MYBPH: variants seen among roughly 807,000 people sequenced by gnomAD.
MYBPH encodes myosin binding protein H.
Under a neutral mutation model 53.6 loss-of-function variants are expected in MYBPH, and 49 were observed. The observed-to-expected ratio is 0.91, with a 90% confidence interval of 0.73 to 1.16. MYBPH has a LOEUF of 1.16. MYBPH is among the 50% of genes most tolerant of loss of function. MYBPH has a pLI of 0.00. For synonymous variants in MYBPH, 239 were observed against 249.6 expected (o/e 0.96, Z 0.40); for missense variants, 558 against 624.1 (o/e 0.89, Z 1.13).
At chr1:203,177,915 C>T (rs897900705), upstream of MYBPH, among the ~76,000 whole-genome samples, 5 of 152,284 alleles carry the variant, frequency 3.3e-5, no homozygotes, top group African/African-American at 1.2e-4. Context: ...TTTTCTTCGC[C>T]TTCAGCAGGG....
intron 2 of MYBPH, 40 bp downstream of exon 2, chr1:203,175,287 A>G (rs371978360): frequency 1.4e-4 from 208 of 1,503,606 alleles, no homozygotes; most frequent in Middle Eastern, 1.8e-4. Context: ...CTCCATGACA[A>G]CCTCCCCTGG....
chr1:203,175,846 A>G, upstream of MYBPH: 2 of 1,290,802 alleles, frequency 1.5e-6, no homozygotes. Flanking sequence ...ACCTAGGTCC[A>G]GGCTTATATA....
At chr1:203,168,511 G>C (rs998461030) in intron 10 of MYBPH, 116 bp downstream of exon 10, 2 of 1,013,442 alleles carry the variant, frequency 2.0e-6, no homozygotes, top group Non-Finnish European at 3.0e-6. Context: ...CCACAAGTTT[G>C]TGTCCACAGA....
At chr1:203,172,308 G>A (rs773117756) in intron 3 of MYBPH, among the ~76,000 whole-genome samples, 2 of 152,104 alleles carry the variant, frequency 1.3e-5, no homozygotes, top group African/African-American at 2.4e-5. Flanking sequence ...CTCCCTTGGC[G>A]CCTCGACTCT....
chr1:203,179,200 C>A (rs1655872601), upstream of MYBPH: 3 of 370,416 alleles, frequency 8.1e-6, no homozygotes, highest in East Asian at 1.2e-4. Flanking sequence ...CATTAATCAA[C>A]AAGTGTGTAC....
upstream of MYBPH, chr1:203,175,827 G>A: frequency 6.7e-7 from 1 of 1,495,586 alleles, no homozygotes; most frequent in Non-Finnish European, 9.2e-7. Flanking sequence ...CCTCTAGGGT[G>A]CCTGGGACAC....
At chr1:203,174,650 T>G in intron 2 of MYBPH, 53 bp from the exon 3 acceptor site, 3 of 1,436,136 alleles carry the variant, frequency 2.1e-6, no homozygotes, top group Non-Finnish European at 9.3e-7. Flanking sequence ...CAGGCGCCCC[T>G]CTCCATGGGG....
At position 203,175,347 on chromosome 1, in the gene MYBPH, A is replaced by T; in HGVS notation, c.320T>A (p.Leu107Gln). 6.6e-7 allele frequency: 1 copy of T among 1,522,930 alleles called. No individual in the cohort carries two copies. Among genetic ancestry groups the T allele is most frequent in the Non-Finnish European group, 8.8e-7 (1 of 1,138,398 alleles). 94.3% of individuals were successfully genotyped at this position (1,522,930 alleles called of 1,614,324 possible). A position where few individuals can be genotyped will look rare whatever the true frequency, so the allele number is the denominator to read the frequency against. Residue 107 changes from leucine to glutamine, a missense_variant, in exon 2 of 11, where the codon CTG becomes CAG. By Grantham distance (113) the Leu-to-Gln change is moderately radical. Coordinates refer to ENST00000255416, the MANE Select transcript of MYBPH (RefSeq NM_004997.3). ...CTCACCTCCCTCTCTGCAGAGCTCC[A>T]GCACATAGCCCTGGAGGCCCAGCCT... is the stretch of plus-strand genomic sequence containing the variant. ...LGRLGLQGYV[L>Q]ELCREGASEW...
intron 6 of MYBPH, among the ~76,000 whole-genome samples, chr1:203,170,747 C>G (rs911542248): frequency 7.9e-5 from 12 of 152,204 alleles, no homozygotes; most frequent in Non-Finnish European, 1.2e-4. Context: ...AGCCCCCACC[C>G]TGGACCTACT....
rs1439001705 is a variant in MYBPH at position 203,171,341 on chromosome 1, C to T, written c.793+42G>A. 2 of 1,584,970 alleles carry T rather than the reference C, an allele frequency of 1.3e-6. No individual in the cohort carries two copies. The highest frequency in any genetic ancestry group is 3.4e-5 in the Admixed American group (2 of 58,514). ...GCTCTGGGATAGGAGGTTGGGGGCT[C>T]CAGGTCCCCCATGAGACAGCACTGT... On this transcript the variant is annotated intron_variant, in intron 5 of 10. Coordinates refer to ENST00000255416, the MANE Select transcript of MYBPH (RefSeq NM_004997.3). This position sits in a 1 kb window ranked among gnomAD's most constrained non-coding sequence, Gnocchi z 4.2.
chr1:203,175,333 C>T lies in MYBPH; in HGVS notation c.334G>A (p.Glu112Lys). The T allele has an allele frequency of 6.6e-7, 1 of 1,519,766 alleles. No individual in the cohort carries two copies. Among genetic ancestry groups the T allele is most frequent in the Non-Finnish European group, 8.8e-7 (1 of 1,136,198 alleles). 94.1% of individuals were successfully genotyped at this position (1,519,766 alleles called of 1,614,324 possible). A position where few individuals can be genotyped will look rare whatever the true frequency, so the allele number is the denominator to read the frequency against. Residue 112 changes from glutamate to lysine, a missense_variant, in exon 2 of 11, where the codon GAG becomes AAG. Glu to Lys is a moderately conservative substitution (Grantham distance 56). Coordinates refer to ENST00000255416, the MANE Select transcript of MYBPH (RefSeq NM_004997.3). Reference protein sequence around the residue: ...LQGYVLELCREGASEWVPVSA... With the variant: ...LQGYVLELCRKGASEWVPVSA... Reference sequence around the variant, plus strand: ...GACTTAGCCCAGCACTCACCTCCCTCTCTGCAGAGCTCCAGCACATAGCCC... The same window carrying T: ...GACTTAGCCCAGCACTCACCTCCCTTTCTGCAGAGCTCCAGCACATAGCCC...
At chr1:203,173,260 C>G (rs933417296) in intron 3 of MYBPH, among the ~76,000 whole-genome samples, 5 of 152,214 alleles carry the variant, frequency 3.3e-5, no homozygotes, top group African/African-American at 9.6e-5. Flanking sequence ...CCGTCCCAAC[C>G]AAGAAGCCTT....
rs200675226 is a variant in MYBPH, at chr1:203,171,203, G to A, written c.794-3C>T. 6.3e-7 allele frequency: 1 copy of A among 1,589,294 alleles called. No individual in the cohort carries two copies. The highest frequency in any genetic ancestry group is 8.6e-7 in the Non-Finnish European group (1 of 1,169,192). ...GCTGCTGGGGGGTCCAGGTTTCTCT[G>A]TAGGCCCAGAGTGTGAGAGGAAGTG... On this transcript the variant is annotated splice_polypyrimidine_tract_variant and splice_region_variant and intron_variant, in intron 5 of 10. Transcript: ENST00000255416. The surrounding 1 kb of genome is among the most constrained non-coding windows in gnomAD (Gnocchi z 4.2).
In MYBPH at chr1:203,169,393, G is replaced by A. The variant is rs370381741; in HGVS notation, c.1094-4C>T. On this transcript the variant is annotated splice_polypyrimidine_tract_variant and splice_region_variant and intron_variant, in intron 7 of 10. Transcript: ENST00000255416. ...CCTTTAGGTTTGGCAGCAATATCTG[G>A]GTTCAGGGGAGAAAGTCGGGTGCAT... 2.6e-6 allele frequency: 4 copies of A among 1,562,848 alleles called. No individual in the cohort carries two copies. In the African/African-American group the frequency reaches 5.4e-5, roughly 21 times the overall value.
intron 9 of MYBPH, 87 bp downstream of exon 9, chr1:203,168,819 C>G: frequency 1.3e-6 from 2 of 1,584,438 alleles, no homozygotes. Context: ...CACCCCTTCT[C>G]TTCGGCCTTG....
rs1215218844 is a variant in MYBPH, at chr1:203,171,266, C to A, written c.794-66G>T. 3.9e-6 allele frequency: 6 copies of A among 1,549,350 alleles called. No individual in the cohort carries two copies. Among genetic ancestry groups the A allele is most frequent in the Non-Finnish European group, 5.2e-6 (6 of 1,146,250 alleles). On this transcript the variant is annotated intron_variant, in intron 5 of 10. Transcript: ENST00000255416. The surrounding 1 kb of genome is among the most constrained non-coding windows in gnomAD (Gnocchi z 4.2). ...AGGCTGGCCACAGAGCCCCCACACC[C>A]AAAATTTGGCTCTTGCCACACTCCC...
Position 203,171,782 on chromosome 1 carries a change from A to G in MYBPH, c.597+170T>C, listed in dbSNP as rs899490163. On this transcript the variant is annotated intron_variant, in intron 4 of 10. Coordinates refer to ENST00000255416, the MANE Select transcript of MYBPH (RefSeq NM_004997.3). The surrounding 1 kb of genome is among the most constrained non-coding windows in gnomAD (Gnocchi z 4.2). ...TCCCGCTCTGGGGGCCCACCTGCCC[A>G]TCCACAGGCTGAGAATCACCAATGA... Among the ~76,000 whole-genome samples, 2 of 152,124 alleles carry G rather than the reference A, an allele frequency of 1.3e-5. No individual in the cohort carries two copies. Among genetic ancestry groups the G allele is most frequent in the African/African-American group, 2.4e-5 (1 of 41,438 alleles).
upstream of MYBPH, chr1:203,175,868 C>A: frequency 9.6e-7 from 1 of 1,047,110 alleles, no homozygotes; most frequent in Non-Finnish European, 1.4e-6. Flanking sequence ...TCAGGGGCTG[C>A]CCCACCCCCA....
upstream of MYBPH, among the ~76,000 whole-genome samples, chr1:203,176,909 G>A (rs578161153): frequency 1.3e-5 from 2 of 152,270 alleles, no homozygotes; most frequent in South Asian, 4.1e-4. Context: ...TGGAGAAGAA[G>A]GTTCATGGCA....
Sources: allele counts gnomAD v4.1 joint callset (sites outside exome capture counted in the v4.1 genomes callset), GRCh38; gene constraint gnomAD v4.1.1; non-coding constraint Gnocchi (gnomAD v3.1); transcripts MANE v1.5; gene names NCBI Gene and HGNC (gene_info 2026-07-23, HGNC 2026-07-21).